DHX32: variants seen among roughly 807,000 people sequenced by gnomAD.
DHX32 encodes the protein DEAH-box helicase 32 (putative), also known as putative pre-mRNA-splicing factor ATP-dependent RNA helicase DHX32.
DHX32 carries 51 observed loss-of-function variants against 70.0 expected under a neutral mutation model. The ratio of observed to expected loss-of-function variants is 0.73; its 90% CI spans 0.58 to 0.92. The LOEUF (loss-of-function observed/expected upper bound fraction) is 0.92, where lower values mean the gene tolerates loss of function less well. DHX32 is among the 40% of genes least tolerant of loss of function. The probability of loss-of-function intolerance (pLI) is 0.00; values close to 1 mark genes in which losing one functional copy is unlikely to be tolerated. For missense variants in DHX32, 762 were observed against 891.8 expected (o/e 0.85, Z 1.85); for synonymous variants, 310 against 315.3 (o/e 0.98, Z 0.18).
At chr10:125,893,472 T>C (rs1944383214) in intron 1 of DHX32, among the ~76,000 whole-genome samples, 1 of 152,314 alleles carries the variant, frequency 6.6e-6, no homozygotes, top group South Asian at 2.1e-4. Flanking sequence ...CTCGATCTCC[T>C]GACCTCGTGA....
chr10:125,880,825 C>G lies in DHX32; in HGVS notation c.-1G>C. 1 of 1,609,308 alleles carries G rather than the reference C, an allele frequency of 6.2e-7. No homozygotes were observed. The highest frequency in any genetic ancestry group is 8.5e-7 in the Non-Finnish European group (1 of 1,177,940). On this transcript the variant is annotated 5_prime_UTR_variant, in exon 1 of 11. Coordinates refer to ENST00000284690, the MANE Select transcript of DHX32 (RefSeq NM_018180.3). Reference sequence around the variant, plus strand: ...GACACTCCAGCCCTTCTTCTTCCATCTTGTCTGACAGTGAGCTCACGCAGC... The same window carrying G: ...GACACTCCAGCCCTTCTTCTTCCATGTTGTCTGACAGTGAGCTCACGCAGC...
chr10:125,874,871 C>A (rs373484718), intron 1 of DHX32, among the ~76,000 whole-genome samples: 2 of 152,076 alleles, frequency 1.3e-5, no homozygotes, highest in Admixed American at 1.3e-4. Flanking sequence ...TAGAATGAGA[C>A]GTGTGTATAT....
At chr10:125,878,255 T>C (rs980022084) in intron 1 of DHX32, among the ~76,000 whole-genome samples, 4 of 152,298 alleles carry the variant, frequency 2.6e-5, no homozygotes, top group African/African-American at 9.6e-5. Flanking sequence ...CTCTGAAAAG[T>C]TACCTTTTTA....
chr10:125,853,167 C>T lies in DHX32; in HGVS notation c.1093-525G>A, dbSNP rs751591143. Reference sequence around the variant, plus strand: ...GTGACAGCCCTGGTTTCTCTGAAGGCTGGACTAATTCAATCAAGATCAACT... The same window carrying T: ...GTGACAGCCCTGGTTTCTCTGAAGGTTGGACTAATTCAATCAAGATCAACT... On this transcript the variant is annotated intron_variant, in intron 4 of 10. Transcript: ENST00000284690. The T allele has an allele frequency of 1.8e-5, 29 of 1,612,914 alleles. No individual in the cohort carries two copies. The African/African-American group carries it at 3.1e-4, about 17-fold the overall frequency.
At chr10:125,852,198 G>A (rs1011433484) in intron 6 of DHX32, 95 bp downstream of exon 6, 45 of 1,447,448 alleles carry the variant, frequency 3.1e-5, no homozygotes, top group Non-Finnish European at 3.3e-5. Flanking sequence ...ATGCTTGTGT[G>A]CATTGCTGCG....
At chr10:125,877,332 T>C (rs1313883703) in intron 1 of DHX32, among the ~76,000 whole-genome samples, 1 of 149,990 alleles carries the variant, frequency 6.7e-6, no homozygotes, top group African/African-American at 2.4e-5. Context: ...TACTGGCAGC[T>C]GTAAATCAGA....
chr10:125,856,211 C>T (rs1402192158), intron 3 of DHX32, among the ~76,000 whole-genome samples: 1 of 152,160 alleles, frequency 6.6e-6, no homozygotes, highest in African/African-American at 2.4e-5. Flanking sequence ...TGCACAGTTA[C>T]GGAAAACAGC....
chr10:125,888,737 T>C (rs543814138), intron 1 of DHX32, among the ~76,000 whole-genome samples: 1 of 152,422 alleles, frequency 6.6e-6, no homozygotes, highest in African/African-American at 2.4e-5. Flanking sequence ...TTTATTGTGA[T>C]AGCATAATGC....
At chr10:125,839,225 T>C (rs891654323) in intron 8 of DHX32, 37 bp from the exon 9 acceptor site, 5 of 1,601,414 alleles carry the variant, frequency 3.1e-6, no homozygotes, top group Non-Finnish European at 4.3e-6. Context: ...TTAGAAATGA[T>C]TTGTCAGAAG....
upstream of DHX32, among the ~76,000 whole-genome samples, chr10:125,881,659 T>TA (rs1446512453): frequency 6.6e-6 from 1 of 152,180 alleles, no homozygotes; most frequent in African/African-American, 2.4e-5. Context: ...TATATATATA[T>TA]AAAAAAGACA....
At chr10:125,853,328 TGTTA>T (rs1731492412) in intron 4 of DHX32, 1 of 760,434 alleles carries the variant, frequency 1.3e-6, no homozygotes, top group Admixed American at 3.0e-5. Context: ...AGTCAATATT[TGTTA>T]GTTTCGTTTG....
rs1944222319 is a variant in DHX32 at position 125,866,718 on chromosome 10, C to T, written c.476+272G>A. The stretch of plus-strand genomic sequence containing the variant: ...GTGGACCCTGCATGAGGCATAGCTC[C>T]AGAAGCACACGCTTGAAGGTTCTGA... On this transcript the variant is annotated intron_variant, in intron 2 of 10. Coordinates refer to ENST00000284690, the MANE Select transcript of DHX32 (RefSeq NM_018180.3). This position sits in a 1 kb window ranked among gnomAD's most constrained non-coding sequence, Gnocchi z 4.8. 6.6e-6 allele frequency among the ~76,000 whole-genome samples: 1 copy of T among 152,214 alleles called. No homozygotes were observed. Among genetic ancestry groups the T allele is most frequent in the South Asian group, 2.1e-4 (1 of 4,834 alleles).
intron 3 of DHX32, among the ~76,000 whole-genome samples, chr10:125,857,159 C>T (rs1319453096): frequency 6.6e-6 from 1 of 152,116 alleles, no homozygotes; most frequent in Non-Finnish European, 1.5e-5. Flanking sequence ...AGACACAAAT[C>T]CCAATCCATA....
chr10:125,851,505 T>C (rs937769924), intron 6 of DHX32, among the ~76,000 whole-genome samples: 8 of 152,196 alleles, frequency 5.3e-5, no homozygotes, highest in East Asian at 1.9e-4. Flanking sequence ...AGCAAGAAGA[T>C]GCCTAGGAAA....
At chr10:125,875,908 G>A (rs1446847221) in intron 1 of DHX32, among the ~76,000 whole-genome samples, 1 of 152,254 alleles carries the variant, frequency 6.6e-6, no homozygotes, top group African/African-American at 2.4e-5. Flanking sequence ...TTAGGAGGAT[G>A]AGAGGGGCCT....
chr10:125,859,052 T>G lies in DHX32; in HGVS notation c.849+551A>C, dbSNP rs554149956. Among the ~76,000 whole-genome samples, 693 of 150,814 alleles carry G rather than the reference T, an allele frequency of 4.6e-3. 4 individuals carry two copies. The highest frequency in any genetic ancestry group is 0.014 in the African/African-American group (594 of 41,142). Reference sequence around the variant, plus strand: ...TTTTTTGTTTGTTTGTTTGTTTTTTTTTTTTTTTTTTAATCTTTTAAGAAT... The same window carrying G: ...TTTTTTGTTTGTTTGTTTGTTTTTTGTTTTTTTTTTTAATCTTTTAAGAAT... On this transcript the variant is annotated intron_variant, in intron 3 of 10. Coordinates refer to ENST00000284690, the MANE Select transcript of DHX32 (RefSeq NM_018180.3).
chr10:125,839,128 T>G lies in DHX32; in HGVS notation c.1754A>C (p.Asp585Ala), dbSNP rs371698020. The G allele has an allele frequency of 1.3e-4, 202 of 1,614,238 alleles. 1 individual carries two copies. The highest frequency in any genetic ancestry group is 8.2e-4 in the Middle Eastern group (5 of 6,062). Reference sequence around the variant, plus strand: ...TTCTAAGAGTTCAGCTCGAATAACATCTGCCATTCTGAGTGCTGAACAGTT... The same window carrying G: ...TTCTAAGAGTTCAGCTCGAATAACAGCTGCCATTCTGAGTGCTGAACAGTT... Reference protein sequence around the residue: ...FLNCSALRMADVIRAELLEII... With the variant: ...FLNCSALRMAAVIRAELLEII... Residue 585 changes from aspartate (D) to alanine (A), a missense_variant, in exon 9 of 11, where the codon GAT (aspartate) becomes GCT (alanine). Asp to Ala is a moderately radical substitution (Grantham distance 126). Coordinates refer to ENST00000284690, the MANE Select transcript of DHX32 (RefSeq NM_018180.3).
upstream of DHX32, among the ~76,000 whole-genome samples, chr10:125,882,846 A>T (rs1044952070): frequency 2.0e-5 from 3 of 152,204 alleles, no homozygotes; most frequent in African/African-American, 7.2e-5. Flanking sequence ...GAATCAGAAA[A>T]TTCCACTCTT....
chr10:125,851,440 A>C (rs989895554), intron 6 of DHX32, among the ~76,000 whole-genome samples: 3 of 152,166 alleles, frequency 2.0e-5, no homozygotes, highest in Non-Finnish European at 4.4e-5. Flanking sequence ...TGACATCACC[A>C]AGCCTTCCTT....
Sources: allele counts gnomAD v4.1 joint callset (sites outside exome capture counted in the v4.1 genomes callset), GRCh38; gene constraint gnomAD v4.1.1; non-coding constraint Gnocchi (gnomAD v3.1); transcripts MANE v1.5; gene names NCBI Gene and HGNC (gene_info 2026-07-23, HGNC 2026-07-21).